The following MAK variants were observed in gnomAD, a reference collection of about 807,000 sequenced individuals.
The protein encoded by MAK is male germ cell associated kinase, also known as serine/threonine-protein kinase MAK.
MAK carries 65 observed loss-of-function variants against 82.6 expected under a neutral mutation model. The ratio of observed to expected loss-of-function variants is 0.79; its 90% CI spans 0.64 to 0.97. The LOEUF (loss-of-function observed/expected upper bound fraction) is 0.97, where lower values mean the gene tolerates loss of function less well. Among genes scored for constraint, MAK ranks in the 50% least tolerant of loss-of-function variants. The pLI, the probability that MAK is intolerant of heterozygous loss-of-function variation, is 0.00. For synonymous variants in MAK, 250 were observed against 274.2 expected, an observed-to-expected ratio of 0.91 and a Z score of 0.87; for missense variants, 703 against 780.2, an observed-to-expected ratio of 0.90 and a Z score of 1.18.
chr6:10,794,898 A>G (rs1189026137), intron 9 of MAK, among the ~76,000 whole-genome samples: 1 of 152,152 alleles, frequency 6.6e-6, no homozygotes, highest in Admixed American at 6.5e-5. Context: ...AGGCTGAGGC[A>G]GGAGGATTGC....
intron 4 of MAK, among the ~76,000 whole-genome samples, chr6:10,814,836 G>C (rs762267764): frequency 1.3e-5 from 2 of 151,846 alleles, no homozygotes; most frequent in African/African-American, 2.4e-5. Flanking sequence ...TCAGGAGTTC[G>C]AGAGCAGCCT....
rs1772113352 is a variant in MAK at position 10,763,387 on chromosome 6, G to C, written c.*1065C>G. 1 of 152,134 alleles carries C rather than the reference G, an allele frequency of 6.6e-6. No individual in the cohort carries two copies. The highest frequency in any genetic ancestry group is 1.5e-5 in the Non-Finnish European group (1 of 68,034). The allele number at this position is 152,134 out of a possible 1,614,324, so 9.4% of individuals were successfully genotyped here. A position where few individuals can be genotyped will look rare whatever the true frequency, so the allele number is the denominator to read the frequency against. On this transcript the variant is annotated 3_prime_UTR_variant, in exon 15 of 15. Coordinates refer to ENST00000354489, the MANE Select transcript of MAK (RefSeq NM_001242957.3). Reference sequence around the variant, plus strand: ...CTTTCTTAATGATGTCCAGCCAAGAGAACCTTGACTTGGTTACTATTGAAG... The same window carrying C: ...CTTTCTTAATGATGTCCAGCCAAGACAACCTTGACTTGGTTACTATTGAAG...
At position 10,808,953 on chromosome 6, in the gene MAK, T is replaced by C. The variant is rs759620824; in HGVS notation, c.359-11A>G. ...CCCTATGAAAAAAGCCTTGATGATA[T>C]ACGGAGAAAAAAAAATACAGTAAAT... is the stretch of plus-strand genomic sequence containing the variant. On this transcript the variant is annotated splice_polypyrimidine_tract_variant and intron_variant, in intron 5 of 14. Transcript: ENST00000354489. 1.1e-5 allele frequency: 18 copies of C among 1,609,150 alleles called. No homozygotes were observed. Among genetic ancestry groups the C allele is most frequent in the Admixed American group, 1.7e-5 (1 of 60,000 alleles).
At chr6:10,796,700 G>A (rs961904147) in intron 8 of MAK, among the ~76,000 whole-genome samples, 9 of 151,934 alleles carry the variant, frequency 5.9e-5, no homozygotes, top group Admixed American at 1.3e-4. Flanking sequence ...CAGTTATACG[G>A]GAGGGTGAGG....
intron 1 of MAK, among the ~76,000 whole-genome samples, chr6:10,834,773 C>G (rs1011818416): frequency 7.2e-5 from 11 of 151,856 alleles, no homozygotes; most frequent in Non-Finnish European, 1.5e-4. Context: ...GTGCTCCTCT[C>G]ATGAAAATTA....
chr6:10,834,762 G>A (rs76775179), intron 1 of MAK, among the ~76,000 whole-genome samples: 3,889 of 151,726 alleles, frequency 0.026, 162 homozygotes, highest in African/African-American at 0.085. Context: ...GAATCTAGGT[G>A]GTGCTCCTCT....
At chr6:10,779,440 T>C in intron 11 of MAK, 1 of 985,320 alleles carries the variant, frequency 1.0e-6, no homozygotes, top group Non-Finnish European at 1.2e-6. Flanking sequence ...TTGCGTCTCT[T>C]TCCCTGAAGG....
chr6:10,798,422 C>T (rs1322313542), intron 8 of MAK, among the ~76,000 whole-genome samples: 1 of 152,000 alleles, frequency 6.6e-6, no homozygotes, highest in South Asian at 2.1e-4. Context: ...CAACTCTTCC[C>T]TTTTAAGATA....
intron 11 of MAK, among the ~76,000 whole-genome samples, chr6:10,783,054 T>G (rs1774151221): frequency 6.6e-6 from 1 of 152,154 alleles, no homozygotes; most frequent in Non-Finnish European, 1.5e-5. Context: ...TCAGGAGACT[T>G]AGATGTGAAA....
In MAK at chr6:10,768,701, A is replaced by T. The variant is rs565352381; in HGVS notation, c.1792+1410T>A. On this transcript the variant is annotated intron_variant, in intron 14 of 14. Transcript: ENST00000354489. Reference sequence around the variant, plus strand: ...TGTTTACTTATTTTGTTTCAGCGAAAAGATAATGAAGCAATTCTTTTCACA... The same window carrying T: ...TGTTTACTTATTTTGTTTCAGCGAATAGATAATGAAGCAATTCTTTTCACA... Among the ~76,000 whole-genome samples, 31 of 152,378 alleles carry T rather than the reference A, an allele frequency of 2.0e-4. No individual in the cohort carries two copies. The South Asian group carries it at 3.7e-3, about 18-fold the overall frequency.
chr6:10,824,150 G>T (rs76585692), intron 2 of MAK, among the ~76,000 whole-genome samples: 2,249 of 152,268 alleles, frequency 0.015, 58 homozygotes, highest in African/African-American at 0.052. Context: ...GACTTGAGGA[G>T]TAACGGCTAT....
chr6:10,794,071 A>G (rs530424800), intron 9 of MAK, among the ~76,000 whole-genome samples: 2 of 152,232 alleles, frequency 1.3e-5, no homozygotes, highest in East Asian at 1.9e-4. Flanking sequence ...AAGTTTCTCT[A>G]GAGAAAAGGG....
At chr6:10,779,399 G>A in intron 11 of MAK, 1 of 985,296 alleles carries the variant, frequency 1.0e-6, no homozygotes, top group Non-Finnish European at 1.2e-6. Context: ...TACACAGCCG[G>A]TTAGTAGTAG....
At chr6:10,782,751 T>G (rs1774117419) in intron 11 of MAK, among the ~76,000 whole-genome samples, 1 of 152,044 alleles carries the variant, frequency 6.6e-6, no homozygotes, top group South Asian at 2.1e-4. Flanking sequence ...CTAATTTTTA[T>G]ATTTTTAGTA....
intron 11 of MAK, among the ~76,000 whole-genome samples, chr6:10,778,170 C>T (rs944736038): frequency 6.6e-6 from 1 of 152,130 alleles, no homozygotes; most frequent in Non-Finnish European, 1.5e-5. Context: ...GAGCACCTAC[C>T]AGTGCCAGGC....
At chr6:10,775,253 G>A (rs2127518724) in intron 12 of MAK, 75 bp downstream of exon 12, 2 of 1,535,114 alleles carry the variant, frequency 1.3e-6, no homozygotes, top group Admixed American at 1.7e-5. Context: ...GGTTGGAAGA[G>A]CACTGCAATA....
intron 2 of MAK, among the ~76,000 whole-genome samples, chr6:10,829,544 C>T (rs1264830551): frequency 2.6e-5 from 4 of 152,086 alleles, no homozygotes; most frequent in Non-Finnish European, 5.9e-5. Flanking sequence ...CCAGCCTGGG[C>T]AACAGAGTGA....
intron 2 of MAK, among the ~76,000 whole-genome samples, chr6:10,825,440 T>C (rs1290441400): frequency 6.6e-6 from 1 of 151,994 alleles, no homozygotes; most frequent in Non-Finnish European, 1.5e-5. Context: ...CCAGGGCCCA[T>C]CCTTTATATG....
At chr6:10,815,912 G>GTACATATATATATATATATATATATA (rs1554184484) in intron 4 of MAK, among the ~76,000 whole-genome samples, 24 of 108,344 alleles carry the variant, frequency 2.2e-4, no homozygotes, top group Non-Finnish European at 3.5e-4. Context: ...GCTTTATACA[G>GTACATATATATATATATATATATATA]TATATATATA....
Sources: allele counts gnomAD v4.1 joint callset (sites outside exome capture counted in the v4.1 genomes callset), GRCh38; gene constraint gnomAD v4.1.1; transcripts MANE v1.5; gene names NCBI Gene and HGNC (gene_info 2026-07-23, HGNC 2026-07-21).